Variants in LRP1B observed in about 807,000 individuals in gnomAD.
LRP1B encodes the protein LDL receptor related protein 1B.
In LRP1B, 217 loss-of-function variants were observed where a neutral mutation model predicts 556.6. That is an observed-to-expected ratio of 0.39 (90% CI 0.35 to 0.44). The LOEUF (loss-of-function observed/expected upper bound fraction) is 0.44, where lower values mean the gene tolerates loss of function less well. Among genes scored for constraint, LRP1B ranks in the 20% least tolerant of loss-of-function variants. The pLI is 1.00. For missense variants in LRP1B, 5,053 were observed against 5,620.8 expected, an observed-to-expected ratio of 0.90 and a Z score of 3.23; for synonymous variants, 2,047 against 1,865.8, an observed-to-expected ratio of 1.10 and a Z score of -2.50.
intron 1 of LRP1B, among the ~76,000 whole-genome samples, chr2:142,047,080 A>G (rs149855960): frequency 6.6e-6 from 1 of 152,140 alleles, no homozygotes; most frequent in Non-Finnish European, 1.5e-5. Flanking sequence ...CAAGCTTTGT[A>G]TGGAGATGGA....
At chr2:141,158,944 C>T (rs1702133617) in intron 7 of LRP1B, among the ~76,000 whole-genome samples, 1 of 152,062 alleles carries the variant, frequency 6.6e-6, no homozygotes, top group African/African-American at 2.4e-5. Flanking sequence ...TTTTAAATTA[C>T]TTCTTATAGC....
chr2:140,399,543 A>T (rs1684404151), intron 66 of LRP1B, among the ~76,000 whole-genome samples: 1 of 152,214 alleles, frequency 6.6e-6, no homozygotes, highest in Admixed American at 6.5e-5. Flanking sequence ...AGAAAAAAAA[A>T]TATTGCTTAT....
At chr2:141,720,305 T>G (rs1176043257) in intron 2 of LRP1B, among the ~76,000 whole-genome samples, 1 of 152,132 alleles carries the variant, frequency 6.6e-6, no homozygotes, top group South Asian at 2.1e-4. Flanking sequence ...AATACATGGA[T>G]GTAAGTGGCA....
At chr2:141,293,518 A>G (rs1686057103) in intron 3 of LRP1B, among the ~76,000 whole-genome samples, 1 of 152,172 alleles carries the variant, frequency 6.6e-6, no homozygotes, top group South Asian at 2.1e-4. Flanking sequence ...ATCAATGGCA[A>G]TGTATAGTTA....
chr2:140,762,184 G>GC (rs11423637), intron 35 of LRP1B, among the ~76,000 whole-genome samples: 1,895 of 152,128 alleles, frequency 0.012, 37 homozygotes, highest in African/African-American at 0.041. Context: ...ATTATGAAAC[G>GC]ATTAGGGATC....
chr2:140,540,210 C>CA (rs1680081860), intron 45 of LRP1B, among the ~76,000 whole-genome samples: 2 of 152,026 alleles, frequency 1.3e-5, no homozygotes, highest in South Asian at 4.1e-4. Flanking sequence ...TGAGGAGAGA[C>CA]AAAAAATGTA....
intron 41 of LRP1B, among the ~76,000 whole-genome samples, chr2:140,673,827 CA>C (rs1428914262): frequency 6.6e-6 from 1 of 152,102 alleles, no homozygotes; most frequent in Non-Finnish European, 1.5e-5. Context: ...CACAACTGAC[CA>C]GCATTAACAT....
chr2:140,566,304 G>T (rs1393920272), intron 43 of LRP1B, among the ~76,000 whole-genome samples: 1 of 152,086 alleles, frequency 6.6e-6, no homozygotes, highest in East Asian at 1.9e-4. Context: ...AGCTCTTACT[G>T]CTTCTCATGA....
rs200181272 is a variant in LRP1B at position 140,238,249 on chromosome 2, A to G, written c.13463T>C (p.Val4488Ala). ...RQPIINGGIN[V>A]EIGNPSYNMY... ...GTTATAAGATGGATTGCCAATTTCTACATTTATTCCTCCATTGATAATAGG... is the reference window on the plus strand; with the variant it reads ...GTTATAAGATGGATTGCCAATTTCTGCATTTATTCCTCCATTGATAATAGG... The change falls in exon 89 of 91, where the codon GTA (valine) becomes GCA (alanine). Residue 4488 changes from valine (V) to alanine (A), a missense_variant. Transcript: ENST00000389484. 1.9e-6 allele frequency: 3 copies of G among 1,577,410 alleles called. No individual in the cohort carries two copies. Among genetic ancestry groups the G allele is most frequent in the Admixed American group, 3.4e-5 (2 of 59,376 alleles).
intron 29 of LRP1B, among the ~76,000 whole-genome samples, chr2:140,842,610 T>C (rs562652180): frequency 4.9e-4 from 75 of 152,280 alleles, no homozygotes; most frequent in African/African-American, 1.8e-3. Flanking sequence ...TTTCATCTTT[T>C]TTTTTTTAGA....
At chr2:142,036,402 CTCT>C (rs1238140747) in intron 1 of LRP1B, among the ~76,000 whole-genome samples, 1 of 151,696 alleles carries the variant, frequency 6.6e-6, no homozygotes, top group East Asian at 1.9e-4. Flanking sequence ...TATCTGTTTT[CTCT>C]TCATCTATGA....
At chr2:141,126,731 T>C (rs183694180) in intron 7 of LRP1B, among the ~76,000 whole-genome samples, 9 of 152,290 alleles carry the variant, frequency 5.9e-5, no homozygotes, top group Admixed American at 2.6e-4. Context: ...TACCAAAATA[T>C]GTGCTCTCTC....
At chr2:141,111,465 T>C (rs1434006085) in intron 7 of LRP1B, among the ~76,000 whole-genome samples, 1 of 152,196 alleles carries the variant, frequency 6.6e-6, no homozygotes, top group East Asian at 1.9e-4. Flanking sequence ...GCCAGCTTGC[T>C]TTAGGTGGAC....
chr2:141,216,301 G>C (rs1364496537), intron 6 of LRP1B, among the ~76,000 whole-genome samples: 3 of 152,234 alleles, frequency 2.0e-5, no homozygotes, highest in Non-Finnish European at 4.4e-5. Flanking sequence ...GTGGTGTTAT[G>C]CCCACACTTG....
chr2:140,728,734 G>T (rs1687676993), intron 35 of LRP1B, among the ~76,000 whole-genome samples: 1 of 152,082 alleles, frequency 6.6e-6, no homozygotes, highest in Non-Finnish European at 1.5e-5. Context: ...AAGGTTTAAT[G>T]AATAGAGGGA....
At chr2:141,390,586 T>C (rs1413589766) in intron 3 of LRP1B, among the ~76,000 whole-genome samples, 4 of 152,256 alleles carry the variant, frequency 2.6e-5, no homozygotes, top group Admixed American at 2.6e-4. Flanking sequence ...TACAATGTAA[T>C]ATTATTCAGA....
intron 50 of LRP1B, among the ~76,000 whole-genome samples, chr2:140,515,277 G>A (rs574714086): frequency 4.7e-4 from 72 of 152,086 alleles, no homozygotes; most frequent in African/African-American, 1.7e-3. Context: ...AGTTTTGTAC[G>A]TAGCAACTGT....
intron 41 of LRP1B, among the ~76,000 whole-genome samples, chr2:140,669,161 G>A (rs1174429303): frequency 6.6e-6 from 1 of 152,056 alleles, no homozygotes; most frequent in Non-Finnish European, 1.5e-5. Flanking sequence ...CATGGTAGTA[G>A]GAATTTAATT....
intron 3 of LRP1B, among the ~76,000 whole-genome samples, chr2:141,404,631 G>T (rs1267327413): frequency 6.6e-6 from 1 of 152,058 alleles, no homozygotes; most frequent in Admixed American, 6.6e-5. Context: ...TATATTCTAG[G>T]TTATCATCCA....
Sources: allele counts gnomAD v4.1 joint callset (sites outside exome capture counted in the v4.1 genomes callset), GRCh38; gene constraint gnomAD v4.1.1; transcripts MANE v1.5; gene names NCBI Gene and HGNC (gene_info 2026-07-23, HGNC 2026-07-21).